KNDC1: variants seen among roughly 807,000 people sequenced by gnomAD.
The protein encoded by KNDC1 is kinase non-catalytic C-lobe domain-containing protein 1.
In KNDC1, 106 loss-of-function variants were observed where a neutral mutation model predicts 172.8. The observed-to-expected ratio is 0.61, with a 90% confidence interval of 0.52 to 0.72. KNDC1 has a LOEUF of 0.72. Among genes scored for constraint, KNDC1 ranks in the 30% least tolerant of loss-of-function variants. The pLI is 0.00. For missense variants in KNDC1, 2,325 were observed against 2,394.5 expected, an observed-to-expected ratio of 0.97 and a Z score of 0.61; for synonymous variants, 1,083 against 1,062.2, an observed-to-expected ratio of 1.02 and a Z score of -0.38.
Position 133,167,586 on chromosome 10 carries a change from C to A in KNDC1, c.301+7C>A. The A allele has an allele frequency of 2.5e-6, 4 of 1,574,460 alleles. No individual in the cohort carries two copies. The highest frequency in any genetic ancestry group is 3.4e-6 in the Non-Finnish European group (4 of 1,160,378). On this transcript the variant is annotated splice_region_variant and intron_variant, in intron 2 of 29. Coordinates refer to ENST00000304613, the MANE Select transcript of KNDC1 (RefSeq NM_152643.8). ...TTCATGGAGCAGCTCAGCGGTGAGGCGGCGGTGGCGGTGGCGGCGGCGGCG... is the reference window on the plus strand; with the variant it reads ...TTCATGGAGCAGCTCAGCGGTGAGGAGGCGGTGGCGGTGGCGGCGGCGGCG...
chr10:133,165,602 C>T (rs975042362), intron 1 of KNDC1, among the ~76,000 whole-genome samples: 2 of 152,232 alleles, frequency 1.3e-5, no homozygotes, highest in Non-Finnish European at 2.9e-5. Flanking sequence ...TTTGCAGGCA[C>T]GTGTGCGTGG....
At chr10:133,171,724 C>T (rs1853383906) in intron 3 of KNDC1, among the ~76,000 whole-genome samples, 5 of 152,202 alleles carry the variant, frequency 3.3e-5, no homozygotes, top group Non-Finnish European at 4.4e-5. Flanking sequence ...AATCCTCCCA[C>T]GTCAGCTTCC....
In KNDC1 at chr10:133,202,726, G is replaced by A. The variant is rs764375261; in HGVS notation, c.3387+828G>A. On this transcript the variant is annotated intron_variant, in intron 17 of 29. Transcript: ENST00000304613. Reference sequence around the variant, plus strand: ...TATGACTCAGTCCAGAACATGACCCGGTGTCCCTTCAGGGCAGGTGAGGGG... The same window carrying A: ...TATGACTCAGTCCAGAACATGACCCAGTGTCCCTTCAGGGCAGGTGAGGGG... The A allele has an allele frequency of 4.0e-5, 18 of 453,788 alleles. 1 individual carries two copies. Among genetic ancestry groups the A allele is most frequent in the East Asian group, 7.0e-5 (1 of 14,360 alleles). The allele number at this position is 453,788 out of a possible 1,614,324, so 28.1% of individuals were successfully genotyped here.
chr10:133,177,680 G>A (rs1199487314), intron 3 of KNDC1, among the ~76,000 whole-genome samples: 3 of 152,090 alleles, frequency 2.0e-5, no homozygotes, highest in Non-Finnish European at 4.4e-5. Flanking sequence ...TGTATATCAT[G>A]GGCACATGTG....
rs1845416588 is a variant in KNDC1, at chr10:133,213,625, TG to T, written c.4444-19del. ...CTAAGGGATGGAAGCCTGAACCTCT[TG>T]TTTCCATGTTCTGGGCAGGAGTTGT... On this transcript the variant is annotated intron_variant, in intron 24 of 29. Transcript: ENST00000304613. 1 of 1,610,618 alleles carries T rather than the reference TG, an allele frequency of 6.2e-7. No individual in the cohort carries two copies. Among genetic ancestry groups the T allele is most frequent in the Admixed American group, 1.7e-5 (1 of 59,984 alleles).
At chr10:133,202,535 G>A in intron 17 of KNDC1, 1 of 446,126 alleles carries the variant, frequency 2.2e-6, no homozygotes, top group Non-Finnish European at 4.5e-6. Context: ...CGGGACTCCA[G>A]GGTGGATGAC....
intron 29 of KNDC1, among the ~76,000 whole-genome samples, chr10:133,222,238 G>A (rs1485577695): frequency 1.1e-4 from 17 of 148,296 alleles, no homozygotes; most frequent in Admixed American, 2.0e-4. Flanking sequence ...AGCCGAGATC[G>A]CGCCACCGCA....
chr10:133,206,806 G>A lies in KNDC1; in HGVS notation c.3481+28G>A, dbSNP rs893912021. 1.2e-5 allele frequency: 19 copies of A among 1,613,472 alleles called. No homozygotes were observed. The Admixed American group carries it at 1.8e-4, about 16-fold the overall frequency. On this transcript the variant is annotated intron_variant, in intron 18 of 29. Transcript: ENST00000304613. The stretch of plus-strand genomic sequence containing the variant: ...AAGGCCCCTGTGGGCACAGGTCCGA[G>A]ACCCTGGCTGCAGGCAGCCCGGCCC...
At chr10:133,207,035 T>C (rs1371879470) in intron 19 of KNDC1, 82 bp downstream of exon 19, 3 of 1,545,762 alleles carry the variant, frequency 1.9e-6, no homozygotes, top group Non-Finnish European at 1.8e-6. Context: ...TGTAAATCTG[T>C]CCGTGTGAAG....
chr10:133,197,034 G>T, intron 10 of KNDC1, 24 bp from the exon 11 acceptor site: 1 of 1,600,494 alleles, frequency 6.2e-7, no homozygotes, highest in South Asian at 1.1e-5. Context: ...CTGTCGGGAC[G>T]TGTGAACTGT....
Position 133,196,796 on chromosome 10 carries a change from C to T in KNDC1, c.1735-262C>T, listed in dbSNP as rs563357879. On this transcript the variant is annotated intron_variant, in intron 10 of 29. Transcript: ENST00000304613. The stretch of plus-strand genomic sequence containing the variant: ...CCAAGGGCTGCCAGTGTCCAGGCGA[C>T]GAGGCTACCAGGTCTGTGGCCAACG... Among the ~76,000 whole-genome samples, 6 of 152,290 alleles carry T rather than the reference C, an allele frequency of 3.9e-5. No individual in the cohort carries two copies. The South Asian group carries it at 1.0e-3, about 26-fold the overall frequency.
intron 20 of KNDC1, among the ~76,000 whole-genome samples, chr10:133,208,797 T>G (rs1450396348): frequency 6.6e-6 from 1 of 152,194 alleles, no homozygotes; most frequent in Non-Finnish European, 1.5e-5. Context: ...TCTTGGTGTG[T>G]GTGCATGTGT....
At chr10:133,174,349 C>T (rs11812344) in intron 3 of KNDC1, 1 of 136,922 alleles carries the variant, frequency 7.3e-6, no homozygotes, top group Admixed American at 7.0e-5. Context: ...TGGGGAACTT[C>T]CAACACGGAA....
At chr10:133,167,641 G>A (rs1472213181) in intron 2 of KNDC1, 62 bp downstream of exon 2, 6 of 1,498,400 alleles carry the variant, frequency 4.0e-6, no homozygotes, top group Non-Finnish European at 4.5e-6. Context: ...CCTTTCAGGG[G>A]GGATGTGAGC....
chr10:133,214,172 C>A, intron 26 of KNDC1, 50 bp downstream of exon 26: 1 of 1,600,584 alleles, frequency 6.2e-7, no homozygotes, highest in Non-Finnish European at 8.5e-7. Flanking sequence ...GGCCCACCTA[C>A]GCGGGGGTGG....
At chr10:133,164,895 C>T (rs1036103978) in intron 1 of KNDC1, among the ~76,000 whole-genome samples, 1 of 152,168 alleles carries the variant, frequency 6.6e-6, no homozygotes, top group African/African-American at 2.4e-5. Context: ...CTCGTCCTGT[C>T]CTGGCCTCTT....
At position 133,220,110 on chromosome 10, in the gene KNDC1, C is replaced by G. The variant is rs201246979; in HGVS notation, c.5016C>G (p.Leu1672=). ...MTNGAHRWSK[L]RNIAKVVSQV... The stretch of plus-strand genomic sequence containing the variant: ...ACGGGGCCCACAGGTGGAGCAAGCT[C>G]AGGTGAGGAGGGGCTCAGGCGGCCG... Residue 1672 remains leucine (L), a splice_region_variant and synonymous_variant, in exon 29 of 30, where the codon CTC becomes CTG. Coordinates refer to ENST00000304613, the MANE Select transcript of KNDC1 (RefSeq NM_152643.8). 33 of 1,562,394 alleles carry G rather than the reference C, an allele frequency of 2.1e-5. No individual in the cohort carries two copies. The highest frequency in any genetic ancestry group is 2.7e-5 in the African/African-American group (2 of 73,976).
rs138956515 is a variant in KNDC1 at position 133,180,980 on chromosome 10, G to A, written c.361-2364G>A. On this transcript the variant is annotated intron_variant, in intron 3 of 29. Coordinates refer to ENST00000304613, the MANE Select transcript of KNDC1 (RefSeq NM_152643.8). Reference sequence around the variant, plus strand: ...CGGTCATTTATCAGGAGGGTTTGTCGCAGCTGTCAGAATTGTAAGTGGAGG... The same window carrying A: ...CGGTCATTTATCAGGAGGGTTTGTCACAGCTGTCAGAATTGTAAGTGGAGG... Among the ~76,000 whole-genome samples the A allele has an allele frequency of 3.1e-3, 467 of 152,344 alleles. 3 individuals are homozygous for A. The highest frequency in any genetic ancestry group is 0.01 in the African/African-American group (433 of 41,580).
At chr10:133,165,154 C>T (rs978794856) in intron 1 of KNDC1, among the ~76,000 whole-genome samples, 1 of 152,228 alleles carries the variant, frequency 6.6e-6, no homozygotes, top group African/African-American at 2.4e-5. Context: ...CATCCTATCC[C>T]TGAGGGGAGG....
Sources: allele counts gnomAD v4.1 joint callset (sites outside exome capture counted in the v4.1 genomes callset), GRCh38; gene constraint gnomAD v4.1.1; transcripts MANE v1.5; gene names NCBI Gene and HGNC (gene_info 2026-07-23, HGNC 2026-07-21).